Variants in ABR observed in about 807,000 individuals in gnomAD.
The protein encoded by ABR is ABR activator of RhoGEF and GTPase.
Under a neutral mutation model 107.2 loss-of-function variants are expected in ABR, and 35 were observed. The ratio of observed to expected loss-of-function variants is 0.33; its 90% CI spans 0.25 to 0.43. The LOEUF (loss-of-function observed/expected upper bound fraction) is 0.43. Among genes scored for constraint, ABR ranks in the 20% least tolerant of loss-of-function variants. The pLI is 1.00. For synonymous variants in ABR, 498 were observed against 462.0 expected, an observed-to-expected ratio of 1.08 and a Z score of -1.00; for missense variants, 815 against 1,115.2, an observed-to-expected ratio of 0.73 and a Z score of 3.83.
At chr17:1,016,867 C>T (rs1319360783) in intron 16 of ABR, among the ~76,000 whole-genome samples, 2 of 152,126 alleles carry the variant, frequency 1.3e-5, no homozygotes, top group South Asian at 2.1e-4. Context: ...GTGCGTGCCA[C>T]GGTTTGAACG....
intron 4 of ABR, among the ~76,000 whole-genome samples, chr17:1,085,982 A>G (rs1415457918): frequency 6.6e-6 from 1 of 152,072 alleles, no homozygotes; most frequent in African/African-American, 2.4e-5. Flanking sequence ...CCCTGTCTCC[A>G]CTAAAGATAC....
upstream of ABR, among the ~76,000 whole-genome samples, chr17:1,191,722 G>T (rs1352647283): frequency 1.3e-5 from 2 of 152,132 alleles, no homozygotes; most frequent in African/African-American, 2.4e-5. Context: ...AGCAGTAGGG[G>T]TGTGGAAGAA....
At position 1,011,208 on chromosome 17, in the gene ABR, A is replaced by AT; in HGVS notation, c.2102-346dup. 3.3e-6 allele frequency: 1 copy of AT among 299,760 alleles called. No homozygotes were observed. The highest frequency in any genetic ancestry group is 6.4e-6 in the Non-Finnish European group (1 of 155,452). 18.6% of individuals were successfully genotyped at this position (299,760 alleles called of 1,614,324 possible). A position where few individuals can be genotyped will look rare whatever the true frequency, so the allele number is the denominator to read the frequency against. On this transcript the variant is annotated intron_variant, in intron 19 of 22. Coordinates refer to ENST00000302538, the MANE Select transcript of ABR (RefSeq NM_021962.5). The surrounding 1 kb of genome is among the most constrained non-coding windows in gnomAD (Gnocchi z 4.8). ...ATCGCTAAGCCCCTCTCTGGAAGGC[A>AT]TTGCACACTTTTCACACGTAAAAGC...
At chr17:1,022,325 C>T (rs2071756419) in intron 16 of ABR, among the ~76,000 whole-genome samples, 1 of 152,086 alleles carries the variant, frequency 6.6e-6, no homozygotes, top group African/African-American at 2.4e-5. Context: ...CCCGGGCTGG[C>T]TTTCCCCTGC....
chr17:1,029,173 G>A (rs2150893788), intron 16 of ABR, among the ~76,000 whole-genome samples: 1 of 151,858 alleles, frequency 6.6e-6, no homozygotes, highest in East Asian at 1.9e-4. Context: ...CGAGAGCCCT[G>A]GCTGAACCCA....
chr17:1,095,066 C>T (rs182197550), intron 3 of ABR, among the ~76,000 whole-genome samples: 1 of 152,300 alleles, frequency 6.6e-6, no homozygotes, highest in Admixed American at 6.5e-5. Context: ...CGCAGAGTCG[C>T]CACAGAATCC....
intron 1 of ABR, among the ~76,000 whole-genome samples, chr17:1,127,973 G>A (rs551814775): frequency 6.6e-6 from 1 of 152,186 alleles, no homozygotes; most frequent in African/African-American, 2.4e-5. Flanking sequence ...CAGAACCCAG[G>A]TCTCAAATGC....
intron 1 of ABR, among the ~76,000 whole-genome samples, chr17:1,194,899 A>G (rs75055290): frequency 0.081 from 7,381 of 90,724 alleles, 469 homozygotes; most frequent in East Asian, 0.2. Flanking sequence ...TGATTCACCC[A>G]CCTCGGCCTC....
intron 16 of ABR, among the ~76,000 whole-genome samples, chr17:1,035,804 G>C (rs1292501576): frequency 3.3e-5 from 5 of 149,798 alleles, no homozygotes; most frequent in Non-Finnish European, 5.9e-5. Flanking sequence ...CTCTGCAAGG[G>C]GAGTGAGAGG....
chr17:1,124,754 C>G (rs73275152), intron 2 of ABR, among the ~76,000 whole-genome samples: 4,304 of 152,314 alleles, frequency 0.028, 209 homozygotes, highest in African/African-American at 0.094. Context: ...CCACAGGGAG[C>G]ACCAGGCCCA....
chr17:1,185,514 G>A (rs554019698), intron 1 of ABR, among the ~76,000 whole-genome samples: 2 of 151,878 alleles, frequency 1.3e-5, no homozygotes, highest in African/African-American at 2.4e-5. Context: ...GCGTGGTGGC[G>A]GGCACCTGTA....
At chr17:1,198,926 C>T (rs1292822888) in intron 1 of ABR, among the ~76,000 whole-genome samples, 2 of 149,476 alleles carry the variant, frequency 1.3e-5, no homozygotes, top group African/African-American at 2.5e-5. Flanking sequence ...AGCTACCGCG[C>T]CTGGCCAATC....
At chr17:1,074,248 T>A (rs1481221652) in intron 6 of ABR, among the ~76,000 whole-genome samples, 502 of 39,564 alleles carry the variant, frequency 0.013, no homozygotes, top group African/African-American at 0.032. Context: ...CCACGCCCCG[T>A]AGAGTCCAGC....
chr17:1,035,758 G>A (rs1330411011), intron 16 of ABR, among the ~76,000 whole-genome samples: 1 of 145,910 alleles, frequency 6.9e-6, no homozygotes, highest in African/African-American at 2.5e-5. Context: ...CATTCCTAGT[G>A]GACCATCCCA....
intron 16 of ABR, among the ~76,000 whole-genome samples, chr17:1,038,010 C>A (rs1183999240): frequency 6.6e-6 from 1 of 152,168 alleles, no homozygotes; most frequent in East Asian, 1.9e-4. Flanking sequence ...AAATTTTATG[C>A]CGACGTCTCC....
chr17:1,042,134 G>A (rs1049229509), intron 16 of ABR, among the ~76,000 whole-genome samples: 8 of 152,168 alleles, frequency 5.3e-5, no homozygotes, highest in African/African-American at 1.7e-4. Flanking sequence ...AGGCAAGAGC[G>A]TTTTGGGTGG....
At chr17:1,085,211 C>T (rs536010973) in intron 4 of ABR, among the ~76,000 whole-genome samples, 60 of 148,596 alleles carry the variant, frequency 4.0e-4, no homozygotes, top group Non-Finnish European at 7.1e-4. Flanking sequence ...CTCCCAGGTT[C>T]GCGCCATTCT....
At chr17:1,209,966 T>C (rs538205302) in intron 1 of ABR, among the ~76,000 whole-genome samples, 8 of 152,310 alleles carry the variant, frequency 5.3e-5, no homozygotes, top group African/African-American at 1.7e-4. Flanking sequence ...AACTCCACGA[T>C]GATCTTTGCT....
At chr17:1,108,487 T>C (rs968550255) in intron 2 of ABR, among the ~76,000 whole-genome samples, 1 of 152,250 alleles carries the variant, frequency 6.6e-6, no homozygotes, top group African/African-American at 2.4e-5. Context: ...ACCCAGTGCT[T>C]TTCCTTCAAG....
Sources: allele counts gnomAD v4.1 joint callset (sites outside exome capture counted in the v4.1 genomes callset), GRCh38; gene constraint gnomAD v4.1.1; non-coding constraint Gnocchi (gnomAD v3.1); transcripts MANE v1.5; gene names NCBI Gene and HGNC (gene_info 2026-07-23, HGNC 2026-07-21).